WDR49: variants seen among roughly 807,000 people sequenced by gnomAD.
WDR49 encodes WD repeat domain 49.
Under a neutral mutation model 119.5 loss-of-function variants are expected in WDR49, and 107 were observed. The observed-to-expected ratio is 0.90, with a 90% CI of 0.77 to 1.05. WDR49 has a LOEUF of 1.05. Ranked by LOEUF, WDR49 falls within the 50% of genes least tolerant of loss-of-function variation. The pLI, the probability that WDR49 is intolerant of heterozygous loss-of-function variation, is 0.00. For synonymous variants in WDR49, 425 were observed against 418.8 expected (o/e 1.01, Z -0.18); for missense variants, 1,240 against 1,220.5 (o/e 1.02, Z -0.24).
chr3:167,617,950 T>A (rs1171996236), intron 5 of WDR49, among the ~76,000 whole-genome samples: 1 of 152,226 alleles, frequency 6.6e-6, no homozygotes, highest in Non-Finnish European at 1.5e-5. Context: ...GCATTGGGTC[T>A]GTCCAAGTTT....
At chr3:167,651,388 C>A (rs538546600) in intron 2 of WDR49, among the ~76,000 whole-genome samples, 1 of 152,296 alleles carries the variant, frequency 6.6e-6, no homozygotes, top group East Asian at 1.9e-4. Context: ...TTACAGCAAT[C>A]TATACCTGTG....
At chr3:167,578,553 T>A (rs1714370514) in intron 7 of WDR49, among the ~76,000 whole-genome samples, 1 of 152,168 alleles carries the variant, frequency 6.6e-6, no homozygotes, top group African/African-American at 2.4e-5. Context: ...CTCCTCCCAT[T>A]TCTCCCAAGT....
intron 2 of WDR49, among the ~76,000 whole-genome samples, chr3:167,630,440 A>G (rs1446435742): frequency 6.6e-6 from 1 of 152,040 alleles, no homozygotes; most frequent in Non-Finnish European, 1.5e-5. Context: ...AATGTGTGTG[A>G]CTCACTTTAT....
intron 2 of WDR49, among the ~76,000 whole-genome samples, chr3:167,634,937 A>T (rs1369213602): frequency 6.6e-6 from 1 of 151,850 alleles, no homozygotes; most frequent in East Asian, 1.9e-4. Flanking sequence ...ATATACATAC[A>T]TATCTTTCTA....
At chr3:167,561,687 A>G (rs576026195) in intron 8 of WDR49, among the ~76,000 whole-genome samples, 1 of 152,180 alleles carries the variant, frequency 6.6e-6, no homozygotes, top group African/African-American at 2.4e-5. Flanking sequence ...GGAGACATGT[A>G]TTTATTATGA....
intron 8 of WDR49, among the ~76,000 whole-genome samples, chr3:167,573,776 A>G (rs77953667): frequency 0.058 from 8,854 of 152,252 alleles, 697 homozygotes; most frequent in African/African-American, 0.17. Flanking sequence ...ACAGTGATAC[A>G]TTCAACAAAT....
chr3:167,609,016 T>C (rs1455910316), intron 5 of WDR49, among the ~76,000 whole-genome samples: 1 of 152,104 alleles, frequency 6.6e-6, no homozygotes, highest in Non-Finnish European at 1.5e-5. Flanking sequence ...TGTGGGAAAG[T>C]GATTTGAAAA....
intron 16 of WDR49, among the ~76,000 whole-genome samples, chr3:167,511,799 C>T (rs1465672007): frequency 6.6e-6 from 1 of 152,158 alleles, no homozygotes; most frequent in Non-Finnish European, 1.5e-5. Flanking sequence ...GCAGTTTGGC[C>T]TGGGAGGAAT....
chr3:167,500,308 C>G lies in WDR49; in HGVS notation c.2885-9G>C. The G allele has an allele frequency of 6.2e-7, 1 of 1,605,266 alleles. No homozygotes were observed. The highest frequency in any genetic ancestry group is 8.5e-7 in the Non-Finnish European group (1 of 1,177,280). On this transcript the variant is annotated splice_polypyrimidine_tract_variant and intron_variant, in intron 17 of 18. Coordinates refer to ENST00000682715, the MANE Select transcript of WDR49 (RefSeq NM_001366157.1). Reference sequence around the variant, plus strand: ...TAATGACCTAAATGTACCTTCACAACAGCAGGTTTTAGAGGAAGACAGGGA... The same window carrying G: ...TAATGACCTAAATGTACCTTCACAAGAGCAGGTTTTAGAGGAAGACAGGGA...
intron 2 of WDR49, among the ~76,000 whole-genome samples, chr3:167,645,200 A>AATTT (rs1238756931): frequency 2.0e-5 from 3 of 151,548 alleles, no homozygotes; most frequent in Middle Eastern, 3.4e-3. Flanking sequence ...TATTTAATTT[A>AATTT]ATTTATTTAT....
intron 7 of WDR49, among the ~76,000 whole-genome samples, chr3:167,590,837 C>T (rs1715071187): frequency 6.6e-6 from 1 of 151,798 alleles, no homozygotes; most frequent in African/African-American, 2.4e-5. Context: ...GTTAGTCTGG[C>T]TAAAGTTTTG....
At chr3:167,526,881 C>A (rs1268609991) in intron 15 of WDR49, among the ~76,000 whole-genome samples, 2 of 146,518 alleles carry the variant, frequency 1.4e-5, no homozygotes, top group Admixed American at 7.0e-5. Flanking sequence ...TAAATAGAAC[C>A]AAATCAGCTG....
chr3:167,503,552 C>T lies in WDR49; in HGVS notation c.2884+1755G>A, dbSNP rs542568614. Among the ~76,000 whole-genome samples, 6 of 152,298 alleles carry T rather than the reference C, an allele frequency of 3.9e-5. No homozygotes were observed. In the South Asian group the frequency reaches 1.2e-3, roughly 32 times the overall value. On this transcript the variant is annotated intron_variant, in intron 17 of 18. Transcript: ENST00000682715. ...ACCATGGAACCCAGTGACTAGTGTT[C>T]AGCTCAATTAGGACGAACCAGGGCA...
At chr3:167,579,199 G>A (rs1194352870) in intron 7 of WDR49, among the ~76,000 whole-genome samples, 2 of 152,032 alleles carry the variant, frequency 1.3e-5, no homozygotes, top group Non-Finnish European at 2.9e-5. Flanking sequence ...CCAGTCTCAG[G>A]TAATTCTTTA....
chr3:167,548,169 C>T (rs1316471768), intron 10 of WDR49, among the ~76,000 whole-genome samples: 2 of 151,916 alleles, frequency 1.3e-5, no homozygotes, highest in Non-Finnish European at 2.9e-5. Context: ...TCTTTTGGTA[C>T]ATTTTACACA....
chr3:167,582,031 C>CGT (rs57233824), intron 7 of WDR49, among the ~76,000 whole-genome samples: 8,771 of 142,326 alleles, frequency 0.062, 261 homozygotes, highest in Middle Eastern at 0.077. Flanking sequence ...GGCATGCTTC[C>CGT]GTGTGTGTGT....
chr3:167,509,224 T>C (rs958202122), intron 16 of WDR49, among the ~76,000 whole-genome samples: 1 of 152,226 alleles, frequency 6.6e-6, no homozygotes, highest in African/African-American at 2.4e-5. Context: ...ATGCTCTTTG[T>C]TGCTCTAGAA....
At chr3:167,656,897 C>T (rs1009328014), upstream of WDR49, among the ~76,000 whole-genome samples, 4 of 152,128 alleles carry the variant, frequency 2.6e-5, no homozygotes, top group Admixed American at 1.3e-4. Context: ...TGACACTTGC[C>T]CCCTTCTCCT....
chr3:167,600,082 C>G (rs993490422), intron 7 of WDR49, among the ~76,000 whole-genome samples: 4 of 152,184 alleles, frequency 2.6e-5, no homozygotes, highest in Non-Finnish European at 5.9e-5. Context: ...GACCAGGGAC[C>G]TATCTTATTG....
Sources: allele counts gnomAD v4.1 joint callset (sites outside exome capture counted in the v4.1 genomes callset), GRCh38; gene constraint gnomAD v4.1.1; transcripts MANE v1.5; gene names NCBI Gene and HGNC (gene_info 2026-07-23, HGNC 2026-07-21).